Variants in ZIM2 observed in about 807,000 individuals in gnomAD.
ZIM2 encodes the protein zinc finger imprinted 2, also known as zinc finger protein 656.
ZIM2 carries 14 observed loss-of-function variants against 38.6 expected under a neutral mutation model. That is an observed-to-expected ratio of 0.36 (90% confidence interval 0.24 to 0.57). ZIM2 has a LOEUF of 0.57. ZIM2 is among the 20% of genes least tolerant of loss of function. ZIM2 has a pLI of 0.81. For missense variants in ZIM2, 680 were observed against 695.1 expected (o/e 0.98, Z 0.24); for synonymous variants, 247 against 245.8 (o/e 1.00, Z -0.04).
At position 56,781,994 on chromosome 19, in the gene ZIM2, C is replaced by G. The variant is rs1306198094; in HGVS notation, c.698G>C (p.Arg233Thr). The change falls in exon 11 of 13, where the codon AGG (arginine) becomes ACG (threonine). Residue 233 changes from arginine to threonine, a missense_variant. Transcript: ENST00000629319. ...SLSAAQRNLY[R>T]EVMLENYRNL... ...CCGGTAATTCTCCAGCATCACCTCC[C>G]TGTAGAGGTTTCTCTGAGCAGCACT... The G allele has an allele frequency of 3.7e-6, 6 of 1,613,774 alleles. No individual in the cohort carries two copies. The Admixed American group carries it at 1.0e-4, about 27-fold the overall frequency.
chr19:56,793,891 G>C (rs1374471855), intron 9 of ZIM2, among the ~76,000 whole-genome samples: 1 of 152,098 alleles, frequency 6.6e-6, no homozygotes, highest in Admixed American at 6.5e-5. Context: ...TAAACCTAAA[G>C]TGTTTGAAGT....
intron 7 of ZIM2, among the ~76,000 whole-genome samples, chr19:56,820,206 T>C (rs1386805359): frequency 6.6e-6 from 1 of 152,238 alleles, no homozygotes; most frequent in Non-Finnish European, 1.5e-5. Flanking sequence ...TGGCTCAATG[T>C]AGTTTTCACA....
intron 10 of ZIM2, among the ~76,000 whole-genome samples, chr19:56,786,509 T>C (rs1281454499): frequency 6.6e-6 from 1 of 152,232 alleles, no homozygotes; most frequent in East Asian, 1.9e-4. Flanking sequence ...AAACTATTAT[T>C]CATTATTTTG....
intron 9 of ZIM2, among the ~76,000 whole-genome samples, chr19:56,795,244 C>G (rs940772291): frequency 6.6e-6 from 1 of 152,124 alleles, no homozygotes; most frequent in African/African-American, 2.4e-5. Context: ...GCAGGGGCAC[C>G]GATTTTAGGG....
Position 56,774,697 on chromosome 19 carries a change from A to G in ZIM2, c.1668T>C (p.Asp556=). Residue 556 remains aspartate, a synonymous_variant, in exon 13 of 13, where the codon GAT becomes GAC. Transcript: ENST00000629319. ...TGTGACTAAAGGTTTCTCAACAGTG[A>G]TCGCACTCAACAGTTTTCTCTTGAG... ...LHSQEKTVEC[D]HC The G allele has an allele frequency of 6.2e-7, 1 of 1,613,966 alleles. No individual in the cohort carries two copies. Among genetic ancestry groups the G allele is most frequent in the Non-Finnish European group, 8.5e-7 (1 of 1,179,892 alleles).
At chr19:56,822,668 T>G (rs2146324056) in intron 6 of ZIM2, 85 bp downstream of exon 6, 1 of 1,544,392 alleles carries the variant, frequency 6.5e-7, no homozygotes, top group Non-Finnish European at 8.8e-7. Flanking sequence ...AGCAGAAACT[T>G]CGAGGCCCTG....
In ZIM2 at chr19:56,823,576, G is replaced by A; in HGVS notation, c.106+14C>T. ...GCGCCTGCCCATGGGTGACCAGTGG[G>A]GATGGGTACTCACCACTGAAAGAAT... On this transcript the variant is annotated intron_variant, in intron 5 of 12. Transcript: ENST00000629319. 6.2e-7 allele frequency: 1 copy of A among 1,613,966 alleles called. No individual in the cohort carries two copies. The highest frequency in any genetic ancestry group is 8.5e-7 in the Non-Finnish European group (1 of 1,179,896).
chr19:56,799,669 T>G (rs1489025704), intron 9 of ZIM2: 1 of 152,222 alleles, frequency 6.6e-6, no homozygotes, highest in Admixed American at 6.5e-5. Flanking sequence ...TGATTTCATT[T>G]TTAAGTATTT....
Position 56,814,329 on chromosome 19 carries a change from G to GGCT in ZIM2, c.490+3414_490+3416dup, listed in dbSNP as rs772779692. 1.5e-5 allele frequency: 25 copies of GGCT among 1,613,734 alleles called. No individual in the cohort carries two copies. In the African/African-American group the frequency reaches 2.3e-4, roughly 15 times the overall value. ...CATGGACATTGGCTTCAACTTCCTG[G>GGCT]GCTGCTGCTGCTGCAGCTGCTGCTG... On this transcript the variant is annotated intron_variant, in intron 9 of 12. Coordinates refer to ENST00000629319, the MANE Select transcript of ZIM2 (RefSeq NM_001387356.1). The surrounding 1 kb of genome is among the most constrained non-coding windows in gnomAD (Gnocchi z 5.8).
Position 56,782,110 on chromosome 19 carries a change from G to C in ZIM2, c.582C>G (p.Phe194Leu). ...ACACCAGAAATGTTCCTAAGTGTTT[G>C]AAGTCCGGGAACTATCCCAGAGAGA... Reference protein sequence around the residue: ...LPSAGSQFPDFKHLGTFLVFE... With the variant: ...LPSAGSQFPDLKHLGTFLVFE... The change falls in exon 11 of 13, where the codon TTC becomes TTG. Residue 194 changes from phenylalanine (F) to leucine (L), a missense_variant. Coordinates refer to ENST00000629319, the MANE Select transcript of ZIM2 (RefSeq NM_001387356.1). The C allele has an allele frequency of 1.2e-6, 2 of 1,613,748 alleles. No individual in the cohort carries two copies. Among genetic ancestry groups the C allele is most frequent in the Admixed American group, 1.7e-5 (1 of 59,996 alleles).
intron 9 of ZIM2, among the ~76,000 whole-genome samples, chr19:56,809,653 G>C (rs1476127148): frequency 6.6e-6 from 1 of 152,152 alleles, no homozygotes. Flanking sequence ...GACCCACTCA[G>C]GATAATTACC....
intron 2 of ZIM2, among the ~76,000 whole-genome samples, chr19:56,835,279 C>G (rs1379690726): frequency 6.6e-6 from 1 of 152,190 alleles, no homozygotes. Flanking sequence ...CACTTAAGGT[C>G]AAGCCCAGTT....
chr19:56,811,243 T>C, intron 9 of ZIM2: 2 of 960,972 alleles, frequency 2.1e-6, no homozygotes, highest in Non-Finnish European at 2.5e-6. Flanking sequence ...TGCTCAACTA[T>C]AAGCCTACAA....
At chr19:56,797,313 TAAAC>T (rs746330622) in intron 9 of ZIM2, among the ~76,000 whole-genome samples, 2 of 151,334 alleles carry the variant, frequency 1.3e-5, no homozygotes, top group Admixed American at 1.3e-4. Flanking sequence ...AATAAATAAA[TAAAC>T]AAATAAATAA....
At chr19:56,786,409 G>A (rs2046607304) in intron 10 of ZIM2, among the ~76,000 whole-genome samples, 1 of 152,100 alleles carries the variant, frequency 6.6e-6, no homozygotes, top group East Asian at 1.9e-4. Flanking sequence ...GGTAGACGTT[G>A]GTGAATAAAC....
intron 12 of ZIM2, among the ~76,000 whole-genome samples, chr19:56,778,568 A>C (rs1211071530): frequency 1.3e-5 from 2 of 152,200 alleles, no homozygotes; most frequent in Non-Finnish European, 1.5e-5. Flanking sequence ...CCTTTTTTGT[A>C]CAGGAACAAA....
rs73623065 is a variant in ZIM2, at chr19:56,780,783, G to A, written c.739+1170C>T. 1.0e-3 allele frequency among the ~76,000 whole-genome samples: 152 copies of A among 152,188 alleles called. 1 individual carries two copies. Among genetic ancestry groups the A allele is most frequent in the African/African-American group, 3.5e-3 (146 of 41,494 alleles). On this transcript the variant is annotated intron_variant, in intron 11 of 12. Coordinates refer to ENST00000629319, the MANE Select transcript of ZIM2 (RefSeq NM_001387356.1). ...CTAACACCAAACTGATATTCTCTACGTGATACCATCAGAAGGCTTAAAGGA... is the reference window on the plus strand; with the variant it reads ...CTAACACCAAACTGATATTCTCTACATGATACCATCAGAAGGCTTAAAGGA...
chr19:56,824,676 C>T, intron 3 of ZIM2: 1 of 1,581,562 alleles, frequency 6.3e-7, no homozygotes, highest in East Asian at 2.3e-5. Flanking sequence ...AAAATTTTCA[C>T]TGGAGGAACC....
At chr19:56,810,505 TGTTGG>T in intron 9 of ZIM2, 1 of 984,932 alleles carries the variant, frequency 1.0e-6, no homozygotes, top group Non-Finnish European at 1.2e-6. Flanking sequence ...AGTTAATTGT[TGTTGG>T]GTGTTGGGAA....
Sources: allele counts gnomAD v4.1 joint callset (sites outside exome capture counted in the v4.1 genomes callset), GRCh38; gene constraint gnomAD v4.1.1; non-coding constraint Gnocchi (gnomAD v3.1); transcripts MANE v1.5; gene names NCBI Gene and HGNC (gene_info 2026-07-23, HGNC 2026-07-21).